NRCAM: variants seen among roughly 807,000 people sequenced by gnomAD.
The protein encoded by NRCAM is neuronal cell adhesion molecule, also known as NgCAM-related cell adhesion molecule.
NRCAM carries 83 observed loss-of-function variants against 156.5 expected under a neutral mutation model. The observed-to-expected ratio is 0.53, with a 90% CI of 0.44 to 0.64. The LOEUF (loss-of-function observed/expected upper bound fraction) is 0.64. NRCAM is among the 30% of genes least tolerant of loss of function. The probability of loss-of-function intolerance (pLI) is 0.00; values close to 1 mark genes in which losing one functional copy is unlikely to be tolerated. For missense variants in NRCAM, 1,417 were observed against 1,597.3 expected, an observed-to-expected ratio of 0.89 and a Z score of 1.92; for synonymous variants, 538 against 563.9, an observed-to-expected ratio of 0.95 and a Z score of 0.65.
chr7:108,155,874 C>A (rs1355752782), intron 32 of NRCAM, among the ~76,000 whole-genome samples: 6 of 152,074 alleles, frequency 3.9e-5, no homozygotes, highest in African/African-American at 7.2e-5. Flanking sequence ...ATATCCTTTC[C>A]TTTCTCTTTC....
At chr7:108,187,557 G>T (rs977767685) in intron 20 of NRCAM, among the ~76,000 whole-genome samples, 4 of 152,086 alleles carry the variant, frequency 2.6e-5, no homozygotes, top group African/African-American at 9.7e-5. Flanking sequence ...CTGCTGATTT[G>T]TTTTTTGCAT....
At chr7:108,317,920 A>G (rs981911156) in intron 2 of NRCAM, among the ~76,000 whole-genome samples, 7 of 151,596 alleles carry the variant, frequency 4.6e-5, no homozygotes, top group Non-Finnish European at 5.9e-5. Flanking sequence ...GAAAAAAAAA[A>G]AAAGAAAGAA....
chr7:108,456,191 C>A, intron 1 of NRCAM, 52 bp downstream of exon 1: 1 of 152,704 alleles, frequency 6.5e-6, no homozygotes, highest in Non-Finnish European at 1.5e-5. Flanking sequence ...CTCCAGCCGT[C>A]ACCCCCGAGC....
At chr7:108,176,997 A>G (rs562490636) in intron 26 of NRCAM, among the ~76,000 whole-genome samples, 66 of 152,280 alleles carry the variant, frequency 4.3e-4, no homozygotes, top group African/African-American at 1.5e-3. Flanking sequence ...TAGAAAATGC[A>G]TATGTGATTT....
At chr7:108,162,225 A>T (rs1388531931) in intron 30 of NRCAM, among the ~76,000 whole-genome samples, 1 of 152,238 alleles carries the variant, frequency 6.6e-6, no homozygotes, top group Non-Finnish European at 1.5e-5. Context: ...ATGCATTCCT[A>T]AAAACAATCC....
chr7:108,429,821 A>T (rs1343338238), intron 1 of NRCAM, among the ~76,000 whole-genome samples: 1 of 152,242 alleles, frequency 6.6e-6, no homozygotes, highest in African/African-American at 2.4e-5. Context: ...AAAAGTGGTA[A>T]GTAGAATAGA....
chr7:108,157,750 G>A (rs142664117), intron 32 of NRCAM, among the ~76,000 whole-genome samples: 3 of 152,072 alleles, frequency 2.0e-5, no homozygotes, highest in Admixed American at 6.6e-5. Flanking sequence ...GTTTCACATC[G>A]CTGTAAGAGC....
intron 3 of NRCAM, among the ~76,000 whole-genome samples, chr7:108,247,382 A>G (rs1216485350): frequency 6.6e-6 from 1 of 152,228 alleles, no homozygotes; most frequent in Non-Finnish European, 1.5e-5. Context: ...AACCTAAATT[A>G]GTAAATAGTG....
chr7:108,316,905 C>G (rs547090537), intron 2 of NRCAM, among the ~76,000 whole-genome samples: 1 of 152,286 alleles, frequency 6.6e-6, no homozygotes, highest in African/African-American at 2.4e-5. Flanking sequence ...GAAGAAGTTC[C>G]TGTCCAGGGT....
intron 1 of NRCAM, among the ~76,000 whole-genome samples, chr7:108,404,606 C>T (rs1460770678): frequency 1.3e-5 from 2 of 152,102 alleles, no homozygotes; most frequent in African/African-American, 4.8e-5. Flanking sequence ...GCAAAATGAC[C>T]ACATAGCAAT....
chr7:108,187,021 G>C (rs1008392080), intron 20 of NRCAM, among the ~76,000 whole-genome samples: 1 of 148,660 alleles, frequency 6.7e-6, no homozygotes, highest in African/African-American at 2.4e-5. Flanking sequence ...GAATTTAAAA[G>C]TTAAAACTTT....
chr7:108,344,342 A>G (rs1454634765), intron 2 of NRCAM, among the ~76,000 whole-genome samples: 2 of 152,210 alleles, frequency 1.3e-5, no homozygotes, highest in Admixed American at 6.5e-5. Flanking sequence ...AGGTAAAGAA[A>G]TAGCCAATCA....
At chr7:108,227,613 C>G (rs2093685530) in intron 8 of NRCAM, among the ~76,000 whole-genome samples, 1 of 152,154 alleles carries the variant, frequency 6.6e-6, no homozygotes, top group Non-Finnish European at 1.5e-5. Flanking sequence ...AACGATTGAT[C>G]TGTGTGTGAG....
At chr7:108,176,792 T>A in intron 26 of NRCAM, 186 bp from the exon 27 acceptor site, 1 of 538,302 alleles carries the variant, frequency 1.9e-6, no homozygotes, top group South Asian at 2.5e-5. Flanking sequence ...TTCTATCATA[T>A]CGTATCATAT....
chr7:108,343,101 C>T (rs965163287), intron 2 of NRCAM, among the ~76,000 whole-genome samples: 3 of 152,100 alleles, frequency 2.0e-5, no homozygotes, highest in Non-Finnish European at 2.9e-5. Context: ...GAAGTTCCTT[C>T]GTAGAAAAAG....
At chr7:108,395,059 G>A (rs1452531069) in intron 2 of NRCAM, among the ~76,000 whole-genome samples, 1 of 152,130 alleles carries the variant, frequency 6.6e-6, no homozygotes, top group Non-Finnish European at 1.5e-5. Context: ...TGGCAAGAAT[G>A]GTTTTATTAG....
At chr7:108,207,292 C>G in intron 13 of NRCAM, 1 of 336,336 alleles carries the variant, frequency 3.0e-6, no homozygotes, top group East Asian at 5.2e-5. Flanking sequence ...AAAAAGCAGA[C>G]GAAATATTGC....
At chr7:108,227,877 G>A (rs551384019) in intron 8 of NRCAM, among the ~76,000 whole-genome samples, 1 of 152,272 alleles carries the variant, frequency 6.6e-6, no homozygotes, top group African/African-American at 2.4e-5. Flanking sequence ...GCTCCCTCAG[G>A]CAGAAAAAGG....
intron 2 of NRCAM, among the ~76,000 whole-genome samples, chr7:108,318,760 C>T (rs563184467): frequency 1.3e-5 from 2 of 152,260 alleles, no homozygotes; most frequent in South Asian, 2.1e-4. Flanking sequence ...CGTACTTCAG[C>T]GTGGCCCTGG....
Sources: allele counts gnomAD v4.1 joint callset (sites outside exome capture counted in the v4.1 genomes callset), GRCh38; gene constraint gnomAD v4.1.1; transcripts MANE v1.5; gene names NCBI Gene and HGNC (gene_info 2026-07-23, HGNC 2026-07-21).